ENTREP2: variants seen among roughly 807,000 people sequenced by gnomAD.
The protein encoded by ENTREP2 is protein ENTREP2.
At chr15:29,128,552 G>A in the ENTREP2 span, among the ~76,000 whole-genome samples, 1 of 152,096 alleles carries the variant, frequency 6.6e-6, no homozygotes, top group East Asian at 1.9e-4. Context: ...CCCGGAGAGC[G>A]CAGGAGATCT....
At chr15:29,537,829 C>T in the ENTREP2 span, among the ~76,000 whole-genome samples, 1 of 152,136 alleles carries the variant, frequency 6.6e-6, no homozygotes, top group East Asian at 1.9e-4. Context: ...ATTGCTCCCC[C>T]TCTTCCTCAC....
At chr15:29,405,216 C>T in the ENTREP2 span, among the ~76,000 whole-genome samples, 3 of 152,216 alleles carry the variant, frequency 2.0e-5, no homozygotes, top group East Asian at 3.9e-4. Context: ...TGGTGAAACC[C>T]TGCCTCTACT....
At chr15:29,597,625 T>C in the ENTREP2 span, among the ~76,000 whole-genome samples, 1 of 152,040 alleles carries the variant, frequency 6.6e-6, no homozygotes, top group Non-Finnish European at 1.5e-5. Context: ...TCAGTTCTAG[T>C]TGCTGAATAA....
At chr15:29,174,515 C>T in the ENTREP2 span, among the ~76,000 whole-genome samples, 1 of 152,030 alleles carries the variant, frequency 6.6e-6, no homozygotes, top group Non-Finnish European at 1.5e-5. Context: ...GGTGAAACCT[C>T]GTCTCTACTA....
chr15:29,180,042 G>A, the ENTREP2 span, among the ~76,000 whole-genome samples: 1 of 152,090 alleles, frequency 6.6e-6, no homozygotes, highest in Non-Finnish European at 1.5e-5. Flanking sequence ...CTACAGAGAC[G>A]ATCATGATGA....
chr15:29,185,425 G>A, the ENTREP2 span, among the ~76,000 whole-genome samples: 4 of 152,174 alleles, frequency 2.6e-5, no homozygotes, highest in Non-Finnish European at 5.9e-5. Flanking sequence ...GCTTCACTGA[G>A]GTAAAACTGG....
the ENTREP2 span, among the ~76,000 whole-genome samples, chr15:29,338,903 C>CCG: frequency 6.6e-6 from 1 of 151,902 alleles, no homozygotes; most frequent in African/African-American, 2.4e-5. Flanking sequence ...TAATACTCCC[C>CCG]ACTCAGTTTC....
the ENTREP2 span, among the ~76,000 whole-genome samples, chr15:29,573,437 C>T: frequency 0.022 from 3,338 of 152,300 alleles, 59 homozygotes; most frequent in Non-Finnish European, 0.032. Context: ...GAGAACTCCA[C>T]TCTGCCATGT....
At chr15:29,607,115 G>C in the ENTREP2 span, among the ~76,000 whole-genome samples, 2 of 152,168 alleles carry the variant, frequency 1.3e-5, no homozygotes, top group Non-Finnish European at 2.9e-5. Flanking sequence ...TTACAGGCAT[G>C]AGCCACCGCA....
chr15:29,402,265 T>TATATATATATATAC, the ENTREP2 span, among the ~76,000 whole-genome samples: 10 of 137,792 alleles, frequency 7.3e-5, 1 homozygote, highest in African/African-American at 1.3e-4. Context: ...TATATATATA[T>TATATATATATATAC]ACACACACAT....
chr15:29,562,355 T>C, the ENTREP2 span, among the ~76,000 whole-genome samples: 1 of 152,216 alleles, frequency 6.6e-6, no homozygotes, highest in Non-Finnish European at 1.5e-5. Context: ...ATAAAGAGCA[T>C]CCATGAGTGG....
the ENTREP2 span, among the ~76,000 whole-genome samples, chr15:29,531,556 A>T: frequency 6.6e-6 from 1 of 152,174 alleles, no homozygotes; most frequent in South Asian, 2.1e-4. Flanking sequence ...ACCCATTTTT[A>T]AATTTTTTAA....
At chr15:29,386,756 C>T in the ENTREP2 span, among the ~76,000 whole-genome samples, 2 of 152,184 alleles carry the variant, frequency 1.3e-5, no homozygotes, top group African/African-American at 2.4e-5. Flanking sequence ...CGAGCTCTCA[C>T]GCTCTCCGCA....
the ENTREP2 span, among the ~76,000 whole-genome samples, chr15:29,437,204 A>C: frequency 6.6e-6 from 1 of 152,240 alleles, no homozygotes; most frequent in Non-Finnish European, 1.5e-5. Context: ...TCCAGTAAAC[A>C]ATGATTTCTT....
chr15:29,242,832 C>T, the ENTREP2 span, among the ~76,000 whole-genome samples: 1 of 152,208 alleles, frequency 6.6e-6, no homozygotes, highest in Non-Finnish European at 1.5e-5. Context: ...AAGGCCCTTG[C>T]ATCGATGTCC....
At chr15:29,629,559 AACTTT>A in the ENTREP2 span, among the ~76,000 whole-genome samples, 1 of 152,188 alleles carries the variant, frequency 6.6e-6, no homozygotes, top group African/African-American at 2.4e-5. Flanking sequence ...CAAGTGTAGA[AACTTT>A]ACTTCCCTTT....
chr15:29,624,197 G>A, the ENTREP2 span, among the ~76,000 whole-genome samples: 1 of 152,098 alleles, frequency 6.6e-6, no homozygotes, highest in South Asian at 2.1e-4. Flanking sequence ...GTTATTCTAC[G>A]ATTCACACAA....
chr15:29,663,523 C>T, the ENTREP2 span, among the ~76,000 whole-genome samples: 1 of 152,154 alleles, frequency 6.6e-6, no homozygotes, highest in Non-Finnish European at 1.5e-5. Context: ...CCATGAAATA[C>T]TGTGCAGCCA....
chr15:29,364,615 C>T, the ENTREP2 span, among the ~76,000 whole-genome samples: 1 of 152,188 alleles, frequency 6.6e-6, no homozygotes, highest in African/African-American at 2.4e-5. Context: ...GATAACAGTG[C>T]AAGCTGTGAG....
Sources: allele counts gnomAD v4.1 joint callset (sites outside exome capture counted in the v4.1 genomes callset), GRCh38; gene constraint gnomAD v4.1.1; transcripts MANE v1.5; gene names NCBI Gene and HGNC (gene_info 2026-07-23, HGNC 2026-07-21).